SIK3: variants seen among roughly 807,000 people sequenced by gnomAD.
SIK3 encodes the protein SIK family kinase 3.
In SIK3, 28 loss-of-function variants were observed where a neutral mutation model predicts 144.2. That is an observed-to-expected ratio of 0.19 (90% CI 0.14 to 0.27). The LOEUF (loss-of-function observed/expected upper bound fraction) is 0.27, where lower values mean the gene tolerates loss of function less well. Among genes scored for constraint, SIK3 ranks in the 10% least tolerant of loss-of-function variants. SIK3 has a pLI of 1.00. For synonymous variants in SIK3, 686 were observed against 676.3 expected (o/e 1.01, Z -0.22); for missense variants, 1,319 against 1,776.0 (o/e 0.74, Z 4.62).
intron 22 of SIK3, among the ~76,000 whole-genome samples, chr11:116,848,715 A>G (rs1201631380): frequency 6.6e-6 from 1 of 152,216 alleles, no homozygotes; most frequent in Non-Finnish European, 1.5e-5. Context: ...GGGTGACTCA[A>G]AGAAAATGCT....
intron 1 of SIK3, among the ~76,000 whole-genome samples, chr11:116,974,410 T>C (rs560092406): frequency 8.7e-4 from 132 of 152,238 alleles, no homozygotes; most frequent in South Asian, 1.9e-3. Context: ...TTTGGAACCC[T>C]TTTTTTCCCC....
intron 1 of SIK3, among the ~76,000 whole-genome samples, chr11:117,071,414 G>A (rs576381455): frequency 6.6e-6 from 1 of 151,930 alleles, no homozygotes; most frequent in South Asian, 2.1e-4. Flanking sequence ...CTTGAAGGCA[G>A]GGCAGACTAG....
At chr11:116,922,366 C>T (rs1417613667) in intron 4 of SIK3, among the ~76,000 whole-genome samples, 1 of 152,044 alleles carries the variant, frequency 6.6e-6, no homozygotes, top group Non-Finnish European at 1.5e-5. Context: ...TGGAACATGC[C>T]TGTAGTCCCA....
chr11:116,969,407 G>T, intron 1 of SIK3, among the ~76,000 whole-genome samples: 1 of 151,492 alleles, frequency 6.6e-6, no homozygotes. Flanking sequence ...TATGAGATGA[G>T]AAAATGAAAA....
intron 1 of SIK3, among the ~76,000 whole-genome samples, chr11:117,026,385 T>C (rs539114794): frequency 6.6e-6 from 1 of 152,278 alleles, no homozygotes; most frequent in South Asian, 2.1e-4. Context: ...TCAGAATGTA[T>C]CCCCATCGCT....
intron 1 of SIK3, among the ~76,000 whole-genome samples, chr11:117,027,107 G>A (rs1952042442): frequency 4.6e-5 from 7 of 152,138 alleles, no homozygotes; most frequent in Admixed American, 4.6e-4. Flanking sequence ...GATTCATTTG[G>A]TAGGAACATA....
At chr11:117,074,827 T>C (rs553414552) in intron 1 of SIK3, among the ~76,000 whole-genome samples, 1 of 151,796 alleles carries the variant, frequency 6.6e-6, no homozygotes, top group Non-Finnish European at 1.5e-5. Context: ...CTGAGGGGAC[T>C]GAGGCAGGGA....
intron 4 of SIK3, among the ~76,000 whole-genome samples, chr11:116,920,847 A>C (rs1946928268): frequency 6.6e-6 from 1 of 152,182 alleles, no homozygotes; most frequent in Admixed American, 6.5e-5. Context: ...GGAACTGACA[A>C]TCTTGTGGAA....
chr11:116,925,525 C>T (rs1479390270), intron 4 of SIK3, among the ~76,000 whole-genome samples: 1 of 152,220 alleles, frequency 6.6e-6, no homozygotes, highest in Admixed American at 6.5e-5. Context: ...AACTTTCACC[C>T]TGTGAGACCC....
chr11:116,872,846 C>A (rs907968095), intron 13 of SIK3, among the ~76,000 whole-genome samples: 4 of 152,040 alleles, frequency 2.6e-5, no homozygotes, highest in Non-Finnish European at 5.9e-5. Flanking sequence ...TATTTACTAC[C>A]CAATCTTATG....
chr11:116,989,543 G>A (rs771276649), intron 1 of SIK3, among the ~76,000 whole-genome samples: 1 of 150,488 alleles, frequency 6.6e-6, no homozygotes, highest in Non-Finnish European at 1.5e-5. Flanking sequence ...TACAGTATCA[G>A]TAAAATCCTA....
chr11:116,987,333 A>AC (rs1950358143), intron 1 of SIK3, among the ~76,000 whole-genome samples: 1 of 106,964 alleles, frequency 9.3e-6, no homozygotes, highest in South Asian at 2.9e-4. Context: ...AAAAAAAAAA[A>AC]AAAAACACAG....
At chr11:116,970,471 C>CA (rs1211125382) in intron 1 of SIK3, among the ~76,000 whole-genome samples, 2 of 152,034 alleles carry the variant, frequency 1.3e-5, no homozygotes, top group African/African-American at 4.8e-5. Flanking sequence ...GTAATCAAGC[C>CA]ATTTAGTTTT....
intron 1 of SIK3, among the ~76,000 whole-genome samples, chr11:116,990,075 G>A (rs1361940149): frequency 6.6e-6 from 1 of 152,166 alleles, no homozygotes; most frequent in Non-Finnish European, 1.5e-5. Flanking sequence ...TAGACCTTCT[G>A]TGAGAAGGCA....
chr11:116,983,226 C>CA (rs751603084), intron 1 of SIK3, among the ~76,000 whole-genome samples: 19,470 of 86,570 alleles, frequency 0.22, 1,568 homozygotes, highest in Admixed American at 0.29. Flanking sequence ...GACTCTGTCT[C>CA]AAAAAAAAAA....
At chr11:117,090,165 A>C (rs761140771) in intron 1 of SIK3, among the ~76,000 whole-genome samples, 1 of 152,174 alleles carries the variant, frequency 6.6e-6, no homozygotes, top group Non-Finnish European at 1.5e-5. Context: ...AGCCCATTTG[A>C]ATGTATATAA....
At chr11:116,902,235 A>G (rs937993478) in intron 4 of SIK3, among the ~76,000 whole-genome samples, 3 of 152,222 alleles carry the variant, frequency 2.0e-5, no homozygotes, top group Non-Finnish European at 4.4e-5. Context: ...AATTTAAACC[A>G]GTTGAGTTTA....
chr11:116,987,802 T>C (rs1950371658), intron 1 of SIK3, among the ~76,000 whole-genome samples: 1 of 152,172 alleles, frequency 6.6e-6, no homozygotes, highest in Admixed American at 6.5e-5. Context: ...ACTGAAATAT[T>C]CACTCTTTAC....
At chr11:116,990,405 CA>C (rs1437429024) in intron 1 of SIK3, among the ~76,000 whole-genome samples, 1 of 152,042 alleles carries the variant, frequency 6.6e-6, no homozygotes, top group African/African-American at 2.4e-5. Context: ...TGAATGGGGC[CA>C]AAGGTCAGGA....
Sources: allele counts gnomAD v4.1 joint callset (sites outside exome capture counted in the v4.1 genomes callset), GRCh38; gene constraint gnomAD v4.1.1; transcripts MANE v1.5; gene names NCBI Gene and HGNC (gene_info 2026-07-23, HGNC 2026-07-21).